Variants in ALK observed in about 807,000 individuals in gnomAD.
ALK encodes the protein ALK tyrosine kinase receptor.
In ALK, 74 loss-of-function variants were observed where a neutral mutation model predicts 163.1. That is an observed-to-expected ratio of 0.45 (90% CI 0.38 to 0.55). The LOEUF (loss-of-function observed/expected upper bound fraction) is 0.55, where lower values mean the gene tolerates loss of function less well. ALK is among the 20% of genes least tolerant of loss of function. The pLI, the probability that ALK is intolerant of heterozygous loss-of-function variation, is 0.00. For synonymous variants in ALK, 960 were observed against 843.2 expected (o/e 1.14, Z -2.40); for missense variants, 2,063 against 2,105.3 (o/e 0.98, Z 0.39).
intron 4 of ALK, among the ~76,000 whole-genome samples, chr2:29,444,501 G>C (rs56077647): frequency 0.27 from 41,567 of 152,082 alleles, 7,052 homozygotes; most frequent in Non-Finnish European, 0.38. Flanking sequence ...AGACAACAGA[G>C]GACTGGGCAA....
chr2:29,659,547 A>G (rs1394353090), intron 3 of ALK, among the ~76,000 whole-genome samples: 3 of 152,174 alleles, frequency 2.0e-5, no homozygotes, highest in Non-Finnish European at 4.4e-5. Flanking sequence ...GCACTACGTT[A>G]TACAACAGGG....
intron 1 of ALK, among the ~76,000 whole-genome samples, chr2:29,850,182 T>C (rs1665954100): frequency 6.6e-6 from 1 of 152,160 alleles, no homozygotes; most frequent in African/African-American, 2.4e-5. Flanking sequence ...CAGGCAACAC[T>C]GTGGACATAG....
chr2:29,387,586 A>T (rs1669061694), intron 4 of ALK, among the ~76,000 whole-genome samples: 2 of 152,198 alleles, frequency 1.3e-5, no homozygotes, highest in South Asian at 4.1e-4. Flanking sequence ...CCTCATTAGC[A>T]AAATGCAGGC....
intron 1 of ALK, among the ~76,000 whole-genome samples, chr2:29,840,608 T>C (rs1665673423): frequency 6.6e-6 from 1 of 152,222 alleles, no homozygotes; most frequent in East Asian, 1.9e-4. Flanking sequence ...ATGTGTTTTC[T>C]GTTGAAAGAT....
At chr2:29,829,574 C>T in intron 1 of ALK, among the ~76,000 whole-genome samples, 1 of 152,062 alleles carries the variant, frequency 6.6e-6, no homozygotes, top group Non-Finnish European at 1.5e-5. Context: ...GTTCAGAGGA[C>T]CAATTATTTA....
intron 4 of ALK, among the ~76,000 whole-genome samples, chr2:29,509,718 A>G (rs1447919612): frequency 6.6e-6 from 1 of 152,176 alleles, no homozygotes; most frequent in Non-Finnish European, 1.5e-5. Context: ...TTTATTTCTA[A>G]TGGAATGCCT....
chr2:29,271,682 G>A (rs1036415691), intron 11 of ALK, among the ~76,000 whole-genome samples: 7 of 152,254 alleles, frequency 4.6e-5, no homozygotes, highest in African/African-American at 1.4e-4. Context: ...CCACGCCCAC[G>A]GCTTGCCAGT....
chr2:29,343,378 A>T (rs1048483560), intron 5 of ALK, among the ~76,000 whole-genome samples: 2 of 38,250 alleles, frequency 5.2e-5, no homozygotes, highest in Non-Finnish European at 1.2e-4. Flanking sequence ...CTGGCTAAGT[A>T]AAAAAAAAAA....
intron 11 of ALK, among the ~76,000 whole-genome samples, chr2:29,268,860 A>T (rs186127708): frequency 3.9e-4 from 59 of 152,268 alleles, no homozygotes; most frequent in African/African-American, 1.4e-3. Flanking sequence ...TGTTTCCTCA[A>T]TTGTAAAATG....
At chr2:29,281,832 C>T (rs1665726770) in intron 9 of ALK, among the ~76,000 whole-genome samples, 1 of 152,244 alleles carries the variant, frequency 6.6e-6, no homozygotes, top group Non-Finnish European at 1.5e-5. Flanking sequence ...AATGCCGATG[C>T]TGCTCACGTA....
intron 3 of ALK, among the ~76,000 whole-genome samples, chr2:29,686,247 G>T (rs1413179337): frequency 3.9e-5 from 6 of 152,198 alleles, no homozygotes; most frequent in Admixed American, 3.9e-4. Flanking sequence ...AAGTTCAGCT[G>T]CTGTGATGGG....
chr2:29,318,115 T>C (rs1014132296), intron 8 of ALK, among the ~76,000 whole-genome samples, 189 bp downstream of exon 8: 28 of 152,328 alleles, frequency 1.8e-4, no homozygotes, highest in African/African-American at 6.3e-4. Context: ...TAAGGCATGA[T>C]TCTCTGTAGA....
At chr2:29,200,249 C>A (rs1285518008) in intron 26 of ALK, among the ~76,000 whole-genome samples, 1 of 152,108 alleles carries the variant, frequency 6.6e-6, no homozygotes, top group Non-Finnish European at 1.5e-5. Context: ...AAGAAACTGG[C>A]AGTAAGGCCT....
intron 1 of ALK, among the ~76,000 whole-genome samples, chr2:29,911,437 T>C (rs770366372): frequency 6.6e-6 from 1 of 152,222 alleles, no homozygotes; most frequent in Non-Finnish European, 1.5e-5. Flanking sequence ...TTTCTCTTTA[T>C]CATCTCTCTA....
In ALK at chr2:29,533,782, G is replaced by C. The variant is rs1441755427; in HGVS notation, c.953-1666C>G. ...CTTCAAGGAACTCCAGGTCTGGCAG[G>C]GGTGCACAGATGTCTGCAAGAACTA... On this transcript the variant is annotated intron_variant, in intron 3 of 28. Coordinates refer to ENST00000389048, the MANE Select transcript of ALK (RefSeq NM_004304.5). Among the ~76,000 whole-genome samples the C allele has an allele frequency of 2.0e-5, 3 of 152,282 alleles. 1 individual carries two copies. In the East Asian group the frequency reaches 5.8e-4, roughly 29 times the overall value.
chr2:29,823,539 G>A (rs916467098), intron 1 of ALK, among the ~76,000 whole-genome samples: 9 of 152,204 alleles, frequency 5.9e-5, no homozygotes, highest in South Asian at 2.1e-4. Flanking sequence ...TCCAGCTGAG[G>A]AGGGTCTCAG....
At chr2:29,391,652 C>T (rs1206877449) in intron 4 of ALK, among the ~76,000 whole-genome samples, 1 of 151,900 alleles carries the variant, frequency 6.6e-6, no homozygotes, top group Non-Finnish European at 1.5e-5. Flanking sequence ...TTTTTCTCTC[C>T]TCCCTTGTTC....
chr2:29,872,605 G>T (rs1666608861), intron 1 of ALK, among the ~76,000 whole-genome samples: 1 of 152,122 alleles, frequency 6.6e-6, no homozygotes, highest in African/African-American at 2.4e-5. Flanking sequence ...CGCTGCTGCT[G>T]CCCAGCATTG....
rs1664688621 is a variant in ALK, at chr2:29,246,898, G to C, written c.2204+4207C>G. On this transcript the variant is annotated intron_variant, in intron 12 of 28. Coordinates refer to ENST00000389048, the MANE Select transcript of ALK (RefSeq NM_004304.5). This position sits in a 1 kb window ranked among gnomAD's most constrained non-coding sequence, Gnocchi z 4.3. ...GGGGGAGCGAGAGGCCTTTTGGGGGGTAACACTGCAGCCCCAGGACCTGGC... is the reference window on the plus strand; with the variant it reads ...GGGGGAGCGAGAGGCCTTTTGGGGGCTAACACTGCAGCCCCAGGACCTGGC... Among the ~76,000 whole-genome samples the C allele has an allele frequency of 1.3e-5, 2 of 152,158 alleles. No individual in the cohort carries two copies. The highest frequency in any genetic ancestry group is 3.9e-4 in the East Asian group (2 of 5,182).
Sources: gnomAD v4.1 joint callset for allele counts (sites outside exome capture counted in the v4.1 genomes callset) on GRCh38, gnomAD v4.1.1 for gene constraint, Gnocchi (gnomAD v3.1) non-coding constraint, MANE v1.5 for transcripts, NCBI Gene and HGNC (gene_info 2026-07-23, HGNC 2026-07-21) for gene names.